PARD3B: variants seen among roughly 807,000 people sequenced by gnomAD.
PARD3B encodes the protein partitioning defective 3 homolog B.
In PARD3B, 103 loss-of-function variants were observed where a neutral mutation model predicts 130.2. The ratio of observed to expected loss-of-function variants is 0.79; its 90% CI spans 0.67 to 0.93. The LOEUF is 0.93. Among genes scored for constraint, PARD3B ranks in the 40% least tolerant of loss-of-function variants. The pLI, the probability that PARD3B is intolerant of heterozygous loss-of-function variation, is 0.00. For missense variants in PARD3B, 1,609 were observed against 1,499.2 expected (o/e 1.07, Z -1.21); for synonymous variants, 583 against 553.2 (o/e 1.05, Z -0.76).
chr2:204,579,707 A>G (rs915765557), intron 1 of PARD3B, among the ~76,000 whole-genome samples: 1 of 152,048 alleles, frequency 6.6e-6, no homozygotes, highest in Non-Finnish European at 1.5e-5. Flanking sequence ...TTGGCTTTTC[A>G]GATTAGTTGT....
Position 205,461,724 on chromosome 2 carries a change from A to G in PARD3B, c.3044+21052A>G, listed in dbSNP as rs77855535. Among the ~76,000 whole-genome samples, 1,032 of 152,286 alleles carry G rather than the reference A, an allele frequency of 6.8e-3. 10 individuals are homozygous for G. The highest frequency in any genetic ancestry group is 0.023 in the African/African-American group (937 of 41,556). Reference sequence around the variant, plus strand: ...ACCACAGAAACCTTGGACTGCACCCACAGAGTTTCTGATTCAATAGGTCTG... The same window carrying G: ...ACCACAGAAACCTTGGACTGCACCCGCAGAGTTTCTGATTCAATAGGTCTG... On this transcript the variant is annotated intron_variant, in intron 20 of 22. Transcript: ENST00000406610. The surrounding 1 kb of genome is among the most constrained non-coding windows in gnomAD (Gnocchi z 4.3).
At chr2:205,518,904 T>C (rs954468805) in intron 21 of PARD3B, among the ~76,000 whole-genome samples, 3 of 152,234 alleles carry the variant, frequency 2.0e-5, no homozygotes, top group African/African-American at 7.2e-5. Flanking sequence ...GACACTTGAA[T>C]ATAGGCTGCC....
intron 2 of PARD3B, among the ~76,000 whole-genome samples, chr2:204,917,253 G>T (rs1049452747): frequency 1.3e-5 from 2 of 152,146 alleles, no homozygotes; most frequent in African/African-American, 4.8e-5. Flanking sequence ...TCATTCTCTA[G>T]TAGAAGCAGC....
intron 2 of PARD3B, among the ~76,000 whole-genome samples, chr2:204,903,295 G>A (rs1374494940): frequency 6.6e-6 from 1 of 152,186 alleles, no homozygotes; most frequent in African/African-American, 2.4e-5. Flanking sequence ...GACTCAGAGT[G>A]AAAGACCATG....
intron 2 of PARD3B, among the ~76,000 whole-genome samples, chr2:204,895,967 T>C (rs1285892333): frequency 6.6e-6 from 1 of 152,194 alleles, no homozygotes; most frequent in African/African-American, 2.4e-5. Flanking sequence ...GATTTAGCTG[T>C]ATAGTAAATA....
chr2:204,996,529 T>A (rs1357276362), intron 3 of PARD3B, among the ~76,000 whole-genome samples: 1 of 151,760 alleles, frequency 6.6e-6, no homozygotes, highest in Admixed American at 6.6e-5. Context: ...TACTGCTGTC[T>A]TTTTGTTTGT....
intron 2 of PARD3B, among the ~76,000 whole-genome samples, chr2:204,767,398 A>G (rs1317373853): frequency 1.8e-3 from 1 of 556 alleles, no homozygotes; most frequent in African/African-American, 5.4e-3. Flanking sequence ...CCAGTCTATC[A>G]TTGTTGGACA....
intron 18 of PARD3B, among the ~76,000 whole-genome samples, chr2:205,399,691 T>G (rs1254251232): frequency 6.6e-6 from 1 of 152,168 alleles, no homozygotes; most frequent in African/African-American, 2.4e-5. Flanking sequence ...GCAGTTTTCA[T>G]TTTCCTAAAA....
intron 15 of PARD3B, among the ~76,000 whole-genome samples, chr2:205,221,978 G>A (rs1461109909): frequency 6.6e-6 from 1 of 152,018 alleles, no homozygotes; most frequent in Non-Finnish European, 1.5e-5. Flanking sequence ...AGGAGGGAGA[G>A]GATCAGGAAA....
rs1170418566 is a variant in PARD3B at position 205,460,390 on chromosome 2, ATAG to A, written c.3044+19720_3044+19722del. 2.4e-5 allele frequency among the ~76,000 whole-genome samples: 3 copies of A among 124,248 alleles called. No homozygotes were observed. The South Asian group carries it at 7.5e-4, about 31-fold the overall frequency. The allele number at this position is 124,248 out of a possible 152,430, so 81.5% of individuals were successfully genotyped here. A position where few individuals can be genotyped will look rare whatever the true frequency, so the allele number is the denominator to read the frequency against. On this transcript the variant is annotated intron_variant, in intron 20 of 22. Coordinates refer to ENST00000406610, the MANE Select transcript of PARD3B (RefSeq NM_001302769.2). This position sits in a 1 kb window ranked among gnomAD's most constrained non-coding sequence, Gnocchi z 4.9. ...AGGATTATCAAGACTAAGGATGTTG[ATAG>A]TGATGATGATGATGATGATGATGAT...
At chr2:204,713,266 A>G (rs2038544516) in intron 2 of PARD3B, among the ~76,000 whole-genome samples, 1 of 151,958 alleles carries the variant, frequency 6.6e-6, no homozygotes, top group African/African-American at 2.4e-5. Context: ...ATAATTTACA[A>G]GATGATGCCA....
At chr2:204,958,760 T>A (rs527325443) in intron 2 of PARD3B, among the ~76,000 whole-genome samples, 2 of 152,144 alleles carry the variant, frequency 1.3e-5, no homozygotes, top group South Asian at 4.1e-4. Flanking sequence ...ACCCTATTCC[T>A]TCTCACCCCC....
Position 204,669,352 on chromosome 2 carries a change from G to A in PARD3B, c.121-16829G>A, listed in dbSNP as rs368559577. ...TAATTTTTTTTACCTATACAAAATT[G>A]GATAATTTGTTTTGCTATTGAATGT... On this transcript the variant is annotated intron_variant, in intron 1 of 22. Coordinates refer to ENST00000406610, the MANE Select transcript of PARD3B (RefSeq NM_001302769.2). This position sits in a 1 kb window ranked among gnomAD's most constrained non-coding sequence, Gnocchi z 4.3. 9.2e-5 allele frequency among the ~76,000 whole-genome samples: 14 copies of A among 151,870 alleles called. No individual in the cohort carries two copies. The highest frequency in any genetic ancestry group is 3.1e-4 in the African/African-American group (13 of 41,332).
At chr2:205,140,545 G>C (rs2032870226) in intron 10 of PARD3B, among the ~76,000 whole-genome samples, 1 of 146,038 alleles carries the variant, frequency 6.8e-6, no homozygotes, top group South Asian at 2.2e-4. Flanking sequence ...GAATATGGGA[G>C]ATCATCCTAA....
intron 20 of PARD3B, among the ~76,000 whole-genome samples, chr2:205,476,316 A>C (rs2106273450): frequency 6.6e-6 from 1 of 152,312 alleles, no homozygotes; most frequent in South Asian, 2.1e-4. Context: ...TTTTCTAAGA[A>C]ATACATTAGG....
chr2:205,561,677 G>A (rs928323011), intron 22 of PARD3B, among the ~76,000 whole-genome samples: 5 of 152,124 alleles, frequency 3.3e-5, no homozygotes, highest in African/African-American at 9.7e-5. Context: ...ACACTTCCCT[G>A]GTGGTGCAAC....
rs559593804 is a variant in PARD3B at position 205,566,690 on chromosome 2, A to T, written c.3260+13287A>T. 1.3e-3 allele frequency among the ~76,000 whole-genome samples: 198 copies of T among 152,314 alleles called. 2 individuals carry two copies. The highest frequency in any genetic ancestry group is 1.6e-3 in the Non-Finnish European group (107 of 68,040). ...TGGGAATTGCAATGGCTGATCCAGG[A>T]TATTAAGCAAATGTGTATTCATGAA... On this transcript the variant is annotated intron_variant, in intron 22 of 22. Transcript: ENST00000406610.
chr2:205,379,864 CTG>C (rs2045243876), intron 18 of PARD3B, among the ~76,000 whole-genome samples: 1 of 151,542 alleles, frequency 6.6e-6, no homozygotes, highest in Non-Finnish European at 1.5e-5. Context: ...GTTCAGGAGA[CTG>C]AGACCATCTT....
chr2:205,044,383 T>C (rs12994365), intron 3 of PARD3B, among the ~76,000 whole-genome samples: 30,943 of 147,522 alleles, frequency 0.21, 3,413 homozygotes, highest in Middle Eastern at 0.3. Context: ...ATCGCCACAC[T>C]GACTTCCACA....
Sources: allele counts gnomAD v4.1 joint callset (sites outside exome capture counted in the v4.1 genomes callset), GRCh38; gene constraint gnomAD v4.1.1; non-coding constraint Gnocchi (gnomAD v3.1); transcripts MANE v1.5; gene names NCBI Gene and HGNC (gene_info 2026-07-23, HGNC 2026-07-21).